The following PCNT variants were observed in gnomAD, a reference collection of about 807,000 sequenced individuals.
The protein encoded by PCNT is kendrin.
PCNT carries 319 observed loss-of-function variants against 380.4 expected under a neutral mutation model. The ratio of observed to expected loss-of-function variants is 0.84; its 90% CI spans 0.77 to 0.92. PCNT has a LOEUF of 0.92. PCNT is among the 40% of genes least tolerant of loss of function. PCNT has a pLI of 0.00. For synonymous variants in PCNT, 1,845 were observed against 1,735.2 expected (o/e 1.06, Z -1.57); for missense variants, 4,400 against 4,255.3 (o/e 1.03, Z -0.95).
At chr21:46,400,473 A>G (rs1292304470) in intron 25 of PCNT, among the ~76,000 whole-genome samples, 1 of 147,508 alleles carries the variant, frequency 6.8e-6, no homozygotes, top group African/African-American at 2.5e-5. Context: ...GGCCTCAGAC[A>G]CAGATGAGAG....
chr21:46,381,194 CTCTGTGTGTGTGTGTG>C (rs2085522925), intron 15 of PCNT, among the ~76,000 whole-genome samples: 2 of 72,918 alleles, frequency 2.7e-5, no homozygotes, highest in Non-Finnish European at 4.9e-5. Context: ...AAAAAAAAAT[CTCTGTGTGTGTGTGTG>C]TGTGTGTGTG....
intron 21 of PCNT, chr21:46,394,407 G>A: frequency 9.4e-6 from 4 of 423,480 alleles, no homozygotes; most frequent in Non-Finnish European, 1.3e-5. Context: ...GTTGCCCAGA[G>A]CCCTGCTGCT....
chr21:46,395,868 AAATAAT>A (rs951025518), intron 21 of PCNT, among the ~76,000 whole-genome samples: 4 of 151,596 alleles, frequency 2.6e-5, no homozygotes, highest in East Asian at 3.9e-4. Context: ...TCCATCTCAG[AAATAAT>A]AATAATAAAA....
intron 15 of PCNT, among the ~76,000 whole-genome samples, chr21:46,379,360 A>T (rs1488707993): frequency 1.3e-5 from 2 of 151,912 alleles, no homozygotes; most frequent in Non-Finnish European, 2.9e-5. Context: ...GCACCCATAT[A>T]CCTGCTGTGC....
chr21:46,395,252 G>A (rs2086169225), intron 21 of PCNT, among the ~76,000 whole-genome samples: 1 of 152,238 alleles, frequency 6.6e-6, no homozygotes, highest in Non-Finnish European at 1.5e-5. Flanking sequence ...CTGGTGAAAT[G>A]TCAGTTAACA....
intron 44 of PCNT, among the ~76,000 whole-genome samples, chr21:46,443,328 C>T (rs1427652781): frequency 6.6e-6 from 1 of 152,258 alleles, no homozygotes; most frequent in Non-Finnish European, 1.5e-5. Flanking sequence ...AGCCATCCTC[C>T]TGTGTCAGCC....
At chr21:46,368,178 G>A (rs549120373) in intron 15 of PCNT, among the ~76,000 whole-genome samples, 66 of 152,062 alleles carry the variant, frequency 4.3e-4, no homozygotes, top group African/African-American at 1.6e-3. Context: ...AACAAAAATA[G>A]CTCACACCTG....
At chr21:46,382,488 C>A (rs2085596381) in intron 16 of PCNT, among the ~76,000 whole-genome samples, 1 of 145,580 alleles carries the variant, frequency 6.9e-6, no homozygotes, top group African/African-American at 2.5e-5. Context: ...GACGGAAGCG[C>A]ATTCACGGTG....
At chr21:46,424,416 C>T (rs2087401787) in intron 32 of PCNT, among the ~76,000 whole-genome samples, 1 of 152,206 alleles carries the variant, frequency 6.6e-6, no homozygotes, top group African/African-American at 2.4e-5. Context: ...CTGTGGGACC[C>T]CCCAGGCTGC....
rs1178293912 is a variant in PCNT, at chr21:46,425,954, C to A, written c.7303C>A (p.His2435Asn). ...AGACGAGATACAGGACATCTCGCTC[C>A]ATGGGGGAAAGACGCAGGTTTATTT... ...KEDEIQDISL[H>N]GGKTQEVPTA... The change falls in exon 33 of 47, where the codon CAT (histidine) becomes AAT (asparagine). Residue 2435 changes from histidine to asparagine, a missense_variant. By Grantham distance (68) the His-to-Asn change is moderately conservative (BLOSUM62 1). Transcript: ENST00000359568. The surrounding 1 kb of genome is among the most constrained non-coding windows in gnomAD (Gnocchi z 4.2). The A allele has an allele frequency of 6.2e-7, 1 of 1,614,030 alleles. No individual in the cohort carries two copies. Among genetic ancestry groups the A allele is most frequent in the Admixed American group, 1.7e-5 (1 of 60,016 alleles).
rs1438804717 is a variant in PCNT at position 46,357,197 on chromosome 21, T to G, written c.2154+6T>G. ...TGAAGGACGATTTGGAGAAGGTGAG[T>G]CGTGACTCCACAGCCCAGCGCCTCC... On this transcript the variant is annotated splice_donor_region_variant and intron_variant, in intron 13 of 46. Transcript: ENST00000359568. The G allele has an allele frequency of 6.3e-7, 1 of 1,579,574 alleles. No individual in the cohort carries two copies. Among genetic ancestry groups the G allele is most frequent in the Non-Finnish European group, 8.7e-7 (1 of 1,148,424 alleles).
In PCNT at chr21:46,391,643, G is replaced by A. The variant is rs537916686; in HGVS notation, c.4216+267G>A. Among the ~76,000 whole-genome samples the A allele has an allele frequency of 7.2e-5, 11 of 152,288 alleles. No homozygotes were observed. The South Asian group carries it at 2.3e-3, about 32-fold the overall frequency. On this transcript the variant is annotated intron_variant, in intron 21 of 46. Transcript: ENST00000359568. ...CCTCTGTGAGGTGGAAATAAGAGGG[G>A]CTCTGAGTCCAACAGCAGCAGCTGG...
intron 27 of PCNT, among the ~76,000 whole-genome samples, chr21:46,403,673 C>CGT (rs535411229): frequency 4.6e-5 from 3 of 64,798 alleles, no homozygotes; most frequent in African/African-American, 6.4e-5. Context: ...GTGGGAGAAT[C>CGT]GTGTGTGTGT....
At chr21:46,368,256 T>C (rs377027003) in intron 15 of PCNT, among the ~76,000 whole-genome samples, 47 of 152,194 alleles carry the variant, frequency 3.1e-4, no homozygotes, top group East Asian at 1.4e-3. Context: ...CCATCCTGGC[T>C]AACACGGTGA....
chr21:46,337,881 CTGT>C (rs2083801550), intron 3 of PCNT, among the ~76,000 whole-genome samples: 2 of 151,644 alleles, frequency 1.3e-5, no homozygotes, highest in South Asian at 4.2e-4. Context: ...ACCGCGCAGA[CTGT>C]TTTTTTTGAG....
At position 46,400,071 on chromosome 21, in the gene PCNT, CATAAA is replaced by C. The variant is rs1164348765; in HGVS notation, c.4791+276_4791+280del. ...AACTCTGAATTTATCCTTAATATTT[CATAAA>C]GTAAACATTTAAGATTTTAGGTTTA... On this transcript the variant is annotated intron_variant, in intron 25 of 46. Coordinates refer to ENST00000359568, the MANE Select transcript of PCNT (RefSeq NM_006031.6). 6.9e-4 allele frequency among the ~76,000 whole-genome samples: 105 copies of C among 152,290 alleles called. 1 individual carries two copies. Among genetic ancestry groups the C allele is most frequent in the African/African-American group, 2.3e-3 (97 of 41,548 alleles).
Position 46,416,163 on chromosome 21 carries a change from A to G in PCNT, c.6245A>G (p.Tyr2082Cys). Residue 2082 changes from tyrosine to cysteine, a missense_variant, in exon 30 of 47, where the codon TAT becomes TGT. Coordinates refer to ENST00000359568, the MANE Select transcript of PCNT (RefSeq NM_006031.6). ...QLQEKLNRLL[Y>C]SMTFQNVDAA... is the part of the protein sequence containing the mutation. ...CAGGAAAAACTGAACCGTTTGCTGT[A>G]TTCCATGACCTTCCAGAATGTGGAT... is the stretch of plus-strand genomic sequence containing the variant. 6.2e-7 allele frequency: 1 copy of G among 1,614,210 alleles called. No individual in the cohort carries two copies. The highest frequency in any genetic ancestry group is 8.5e-7 in the Non-Finnish European group (1 of 1,180,034).
chr21:46,427,655 G>A lies in PCNT; in HGVS notation c.7354G>A (p.Asp2452Asn). Residue 2452 changes from aspartate (D) to asparagine (N), a missense_variant, in exon 34 of 47, where the codon GAC becomes AAC. Asp to Asn is a conservative substitution (Grantham distance 23, BLOSUM62 1). Coordinates refer to ENST00000359568, the MANE Select transcript of PCNT (RefSeq NM_006031.6). ...VPTACPDWRGDLLQVVQEAFE... is the reference protein window; with the variant it reads ...VPTACPDWRGNLLQVVQEAFE... ...CACCGCGTGCCCCGATTGGAGAGGG[G>A]ACCTTCTGCAGGTTGTGCAAGAGGC... 1.2e-6 allele frequency: 2 copies of A among 1,613,954 alleles called. No individual in the cohort carries two copies. Among genetic ancestry groups the A allele is most frequent in the Admixed American group, 1.7e-5 (1 of 60,022 alleles).
At chr21:46,351,338 C>G in intron 8 of PCNT, 91 bp from the exon 9 acceptor site, 1 of 788,810 alleles carries the variant, frequency 1.3e-6, no homozygotes. Context: ...CCCTTAGGAT[C>G]GCAGTGGCAG....
Sources: gnomAD v4.1 joint callset for allele counts (sites outside exome capture counted in the v4.1 genomes callset) on GRCh38, gnomAD v4.1.1 for gene constraint, Gnocchi (gnomAD v3.1) non-coding constraint, MANE v1.5 for transcripts, NCBI Gene and HGNC (gene_info 2026-07-23, HGNC 2026-07-21) for gene names.